The following CA6 variants were observed in gnomAD, a reference collection of about 807,000 sequenced individuals.
CA6 encodes carbonic anhydrase 6.
A neutral mutation model predicts 35.9 loss-of-function variants in CA6; 28 were observed. The observed-to-expected ratio is 0.78, with a 90% CI of 0.58 to 1.07. CA6 has a LOEUF of 1.07. CA6 is among the 50% of genes least tolerant of loss of function. The pLI is 0.00. For synonymous variants in CA6, 148 were observed against 152.6 expected (o/e 0.97, Z 0.22); for missense variants, 377 against 382.0 (o/e 0.99, Z 0.11).
Position 8,974,385 on chromosome 1 carries a change from C to T in CA6, c.845-237C>T. 2.0e-6 allele frequency: 3 copies of T among 1,537,542 alleles called. No individual in the cohort carries two copies. In the East Asian group the frequency reaches 7.3e-5, roughly 38 times the overall value. On this transcript the variant is annotated intron_variant, in intron 7 of 7. Transcript: ENST00000377443. Reference sequence around the variant, plus strand: ...GGGGCATCGTGGGAGAAGCCAAAATCCAAGAGTACAGCCCACCTCAACACG... The same window carrying T: ...GGGGCATCGTGGGAGAAGCCAAAATTCAAGAGTACAGCCCACCTCAACACG...
At chr1:8,966,026 C>T (rs1639958112) in intron 5 of CA6, among the ~76,000 whole-genome samples, 1 of 152,128 alleles carries the variant, frequency 6.6e-6, no homozygotes, top group Non-Finnish European at 1.5e-5. Flanking sequence ...TATAGGTGTA[C>T]AAGTATCTCT....
At chr1:8,973,361 C>T (rs1199371188) in intron 7 of CA6, among the ~76,000 whole-genome samples, 1 of 152,166 alleles carries the variant, frequency 6.6e-6, no homozygotes. Context: ...CCTGCTTTCC[C>T]TAAAACAATT....
chr1:8,957,253 C>T lies in CA6; in HGVS notation c.376C>T (p.His126Tyr). ...GTCCTCGGAGATCAGCGGCTCTGAG[C>T]ACACCGTGGACGGGATCAGACATGT... The part of the protein sequence containing the change: ...GASSEISGSE[H>Y]TVDGIRHVIE... The change falls in exon 3 of 8, where the codon CAC becomes TAC. Residue 126 changes from histidine (H) to tyrosine (Y), a missense_variant. By Grantham distance (83) the His-to-Tyr change is moderately conservative. Coordinates refer to ENST00000377443, the MANE Select transcript of CA6 (RefSeq NM_001215.4). 6.2e-7 allele frequency: 1 copy of T among 1,614,024 alleles called. No homozygotes were observed. Among genetic ancestry groups the T allele is most frequent in the Non-Finnish European group, 8.5e-7 (1 of 1,179,912 alleles).
intron 3 of CA6, among the ~76,000 whole-genome samples, chr1:8,957,508 G>A (rs1478912538): frequency 6.6e-6 from 1 of 152,024 alleles, no homozygotes; most frequent in African/African-American, 2.4e-5. Flanking sequence ...GCCCTACTAA[G>A]TTTTGTATTT....
chr1:8,957,265 G>A lies in CA6; in HGVS notation c.388G>A (p.Gly130Arg), dbSNP rs555895182. The A allele has an allele frequency of 3.3e-5, 54 of 1,613,372 alleles. No individual in the cohort carries two copies. The highest frequency in any genetic ancestry group is 6.7e-5 in the African/African-American group (5 of 75,014). ...EISGSEHTVDGIRHVIEIHIV... is the reference protein window; with the variant it reads ...EISGSEHTVDRIRHVIEIHIV... The stretch of plus-strand genomic sequence containing the variant: ...CAGCGGCTCTGAGCACACCGTGGAC[G>A]GGATCAGACATGTGATCGAGGTACC... Residue 130 changes from glycine (G) to arginine (R), a missense_variant, in exon 3 of 8, where the codon GGG becomes AGG. Coordinates refer to ENST00000377443, the MANE Select transcript of CA6 (RefSeq NM_001215.4).
At chr1:8,957,078 G>A in intron 2 of CA6, 59 bp from the exon 3 acceptor site, 1 of 1,487,616 alleles carries the variant, frequency 6.7e-7, no homozygotes, top group South Asian at 1.3e-5. Context: ...TACCCAGCCT[G>A]TAGGCCTGAC....
At chr1:8,969,655 G>A (rs12074878) in intron 6 of CA6, among the ~76,000 whole-genome samples, 49,047 of 151,172 alleles carry the variant, frequency 0.32, 8,879 homozygotes, top group East Asian at 0.56. Context: ...GTGTAGATAT[G>A]TGTGTGTGTG....
Position 8,957,375 on chromosome 1 carries a change from C to A in CA6, c.408+90C>A, listed in dbSNP as rs1017701602. ...ATTTATTTTGAGACAGAGTCTCGCT[C>A]TGTTGCCCCGGCTGGAGTGCAGTGG... On this transcript the variant is annotated intron_variant, in intron 3 of 7. Coordinates refer to ENST00000377443, the MANE Select transcript of CA6 (RefSeq NM_001215.4). 30 of 1,320,900 alleles carry A rather than the reference C, an allele frequency of 2.3e-5. No individual in the cohort carries two copies. In the Admixed American group the frequency reaches 3.3e-4, roughly 14 times the overall value. 81.8% of individuals were successfully genotyped at this position (1,320,900 alleles called of 1,614,324 possible).
rs368824850 is a variant in CA6 at position 8,949,449 on chromosome 1, G to C, written c.259+7G>C. The stretch of plus-strand genomic sequence containing the variant: ...GTCAACAATGGCCACACAGGTAAGA[G>C]GAAGGGGTGGTGAGGGGCTCCAGTC... On this transcript the variant is annotated splice_region_variant and intron_variant, in intron 2 of 7. Coordinates refer to ENST00000377443, the MANE Select transcript of CA6 (RefSeq NM_001215.4). 4 of 1,609,504 alleles carry C rather than the reference G, an allele frequency of 2.5e-6. No homozygotes were observed. The highest frequency in any genetic ancestry group is 2.7e-5 in the African/African-American group (2 of 74,518).
At chr1:8,956,571 G>A (rs1263408330) in intron 2 of CA6, among the ~76,000 whole-genome samples, 2 of 152,038 alleles carry the variant, frequency 1.3e-5, no homozygotes, top group Non-Finnish European at 2.9e-5. Flanking sequence ...GAGGTGATAG[G>A]ATCCCTTGAA....
intron 4 of CA6, among the ~76,000 whole-genome samples, chr1:8,962,157 G>T (rs1205398028): frequency 1.3e-5 from 2 of 151,638 alleles, no homozygotes; most frequent in African/African-American, 4.9e-5. Flanking sequence ...CAGGAGAATT[G>T]CTTGAACCCT....
chr1:8,948,329 G>A (rs1211651419), intron 1 of CA6, among the ~76,000 whole-genome samples: 1 of 152,054 alleles, frequency 6.6e-6, no homozygotes, highest in African/African-American at 2.4e-5. Context: ...AACCCTCTCT[G>A]AAAAGATAAA....
At chr1:8,961,885 G>A (rs1318764060) in intron 4 of CA6, among the ~76,000 whole-genome samples, 2 of 152,202 alleles carry the variant, frequency 1.3e-5, no homozygotes, top group African/African-American at 4.8e-5. Flanking sequence ...ATGAAGAAGG[G>A]AACTTGTGAG....
chr1:8,946,185 C>A (rs1475611182), intron 1 of CA6, among the ~76,000 whole-genome samples: 2 of 152,096 alleles, frequency 1.3e-5, no homozygotes, highest in African/African-American at 4.8e-5. Context: ...TTACAGGTGC[C>A]TGCCACCATG....
In CA6 at chr1:8,969,197, C is replaced by T. The variant is rs557966117; in HGVS notation, c.729+1381C>T. 3.3e-5 allele frequency among the ~76,000 whole-genome samples: 5 copies of T among 152,044 alleles called. No individual in the cohort carries two copies. The South Asian group carries it at 1.0e-3, about 32-fold the overall frequency. On this transcript the variant is annotated intron_variant, in intron 6 of 7. Coordinates refer to ENST00000377443, the MANE Select transcript of CA6 (RefSeq NM_001215.4). ...GGGCATAGTGGTGTGAACCTATAATCCCAGCCACTCAGGAGGCTGAGGCAG... is the reference window on the plus strand; with the variant it reads ...GGGCATAGTGGTGTGAACCTATAATTCCAGCCACTCAGGAGGCTGAGGCAG...
chr1:8,953,740 C>T (rs548354078), intron 2 of CA6, among the ~76,000 whole-genome samples: 5 of 152,212 alleles, frequency 3.3e-5, no homozygotes, highest in East Asian at 1.9e-4. Context: ...ATGTCAGAGG[C>T]GTTTGAACCA....
rs1569690626 is a variant in CA6 at position 8,959,002 on chromosome 1, G to A, written c.501G>A (p.Glu167=). Residue 167 remains glutamate, a splice_region_variant and synonymous_variant, in exon 4 of 8, where the codon GAG becomes GAA. Coordinates refer to ENST00000377443, the MANE Select transcript of CA6 (RefSeq NM_001215.4). ...DGLAVLAAFV[E]VKNYPENTYY... is the part of the protein sequence containing the mutation. ...TGGCTGTACTGGCAGCCTTCGTTGAGGTAAGCAGAAACTACCCATGTGTGT... is the reference window on the plus strand; with the variant it reads ...TGGCTGTACTGGCAGCCTTCGTTGAAGTAAGCAGAAACTACCCATGTGTGT... 6.3e-7 allele frequency: 1 copy of A among 1,595,734 alleles called. No individual in the cohort carries two copies.
chr1:8,960,420 T>C (rs1360020141), intron 4 of CA6, among the ~76,000 whole-genome samples: 1 of 148,840 alleles, frequency 6.7e-6, no homozygotes, highest in Non-Finnish European at 1.5e-5. Context: ...ACAACTATCA[T>C]AAATGTTTGA....
chr1:8,970,900 C>A lies in CA6; in HGVS notation c.763C>A (p.Arg255Ser), dbSNP rs139363760. The A allele has an allele frequency of 1.7e-5, 27 of 1,613,786 alleles. No homozygotes were observed. The African/African-American group carries it at 2.9e-4, about 18-fold the overall frequency. ...GCTGGAGAATTCCTTACTGGATCAC[C>A]GCAACAAGACCATCCACAACGATTA... ...WKLENSLLDHRNKTIHNDYRR... is the reference protein window; with the variant it reads ...WKLENSLLDHSNKTIHNDYRR... The change falls in exon 7 of 8, where the codon CGC becomes AGC. Residue 255 changes from arginine (R) to serine (S), a missense_variant. Coordinates refer to ENST00000377443, the MANE Select transcript of CA6 (RefSeq NM_001215.4).
Sources: allele counts gnomAD v4.1 joint callset (sites outside exome capture counted in the v4.1 genomes callset), GRCh38; gene constraint gnomAD v4.1.1; transcripts MANE v1.5; gene names NCBI Gene and HGNC (gene_info 2026-07-23, HGNC 2026-07-21).